Variants in GLRA1 observed in about 807,000 individuals in gnomAD.
GLRA1 encodes the protein glycine receptor alpha 1.
GLRA1 carries 37 observed loss-of-function variants against 48.3 expected under a neutral mutation model. That is an observed-to-expected ratio of 0.77 (90% CI 0.59 to 1.01). The LOEUF is 1.01. Among genes scored for constraint, GLRA1 ranks in the 50% least tolerant of loss-of-function variants. GLRA1 has a pLI of 0.00. For missense variants in GLRA1, 427 were observed against 571.0 expected (o/e 0.75, Z 2.57); for synonymous variants, 196 against 210.7 (o/e 0.93, Z 0.60).
intron 7 of GLRA1, among the ~76,000 whole-genome samples, chr5:151,849,381 C>CTTTCGTTTCCTTTCG (rs1561554954): frequency 2.1e-4 from 1 of 4,790 alleles, no homozygotes; most frequent in African/African-American, 1.1e-3. Flanking sequence ...CTTTCGTTTC[C>CTTTCGTTTCCTTTCG]TTTCCTTTCC....
At chr5:151,844,621 C>CAAAAAAAAA (rs202218874) in intron 7 of GLRA1, among the ~76,000 whole-genome samples, 1 of 49,738 alleles carries the variant, frequency 2.0e-5, no homozygotes, top group African/African-American at 7.2e-5. Context: ...TACTCTATCT[C>CAAAAAAAAA]AAAAAAAAAA....
Position 151,920,031 on chromosome 5 carries a change from G to A in GLRA1, c.56+4463C>T, listed in dbSNP as rs371531698. 1.5e-4 allele frequency among the ~76,000 whole-genome samples: 23 copies of A among 152,368 alleles called. No individual in the cohort carries two copies. The South Asian group carries it at 4.3e-3, about 29-fold the overall frequency. ...AAAAGGATTTTAATGTACCTTTAAA[G>A]GGAGCAGTGTCTCCCCTTTCTGCAA... On this transcript the variant is annotated intron_variant, in intron 1 of 8. Coordinates refer to ENST00000274576, the MANE Select transcript of GLRA1 (RefSeq NM_000171.4).
chr5:151,912,734 G>C (rs1307655869), intron 1 of GLRA1, among the ~76,000 whole-genome samples: 1 of 152,196 alleles, frequency 6.6e-6, no homozygotes, highest in Non-Finnish European at 1.5e-5. Context: ...AACACTGAGT[G>C]TTTGATATAC....
chr5:151,824,917 T>G (rs1437967859), intron 8 of GLRA1, among the ~76,000 whole-genome samples: 1 of 152,256 alleles, frequency 6.6e-6, no homozygotes, highest in Non-Finnish European at 1.5e-5. Flanking sequence ...AACAAATGTT[T>G]ACTTGTATAT....
rs76888330 is a variant in GLRA1 at position 151,894,558 on chromosome 5, C to A, written c.57-2120G>T. Among the ~76,000 whole-genome samples the A allele has an allele frequency of 8.1e-3, 1,234 of 152,248 alleles. 20 individuals carry two copies. Among genetic ancestry groups the A allele is most frequent in the African/African-American group, 0.028 (1,164 of 41,546 alleles). ...TTCTTGCTCCTCCACCCCACTACCC[C>A]CCATAAACTCACTCACCAGGTGCTG... On this transcript the variant is annotated intron_variant, in intron 1 of 8. Transcript: ENST00000274576.
intron 3 of GLRA1, among the ~76,000 whole-genome samples, chr5:151,882,123 G>T (rs1484795861): frequency 1.3e-5 from 2 of 152,202 alleles, no homozygotes; most frequent in African/African-American, 4.8e-5. Flanking sequence ...TCAAGCTGAA[G>T]TTCCCTTTTG....
At chr5:151,917,472 A>G (rs1426941221) in intron 1 of GLRA1, among the ~76,000 whole-genome samples, 1 of 152,250 alleles carries the variant, frequency 6.6e-6, no homozygotes, top group African/African-American at 2.4e-5. Flanking sequence ...TGATTGACAT[A>G]CAAAAGCTGT....
At chr5:151,895,687 G>A (rs1048928290) in intron 1 of GLRA1, among the ~76,000 whole-genome samples, 4 of 151,268 alleles carry the variant, frequency 2.6e-5, no homozygotes, top group Admixed American at 2.6e-4. Context: ...TGGGTCTGGG[G>A]CTGCTCCTTG....
Position 151,897,455 on chromosome 5 carries a change from G to GT in GLRA1, c.57-5018dup, listed in dbSNP as rs202217569. The stretch of plus-strand genomic sequence containing the variant: ...TATAACAGTATTTGGAAATGATGCA[G>GT]TTTTTTTTTTTCAGAGATTACTAAA... On this transcript the variant is annotated intron_variant, in intron 1 of 8. Transcript: ENST00000274576. Among the ~76,000 whole-genome samples the GT allele has an allele frequency of 2.9e-3, 420 of 146,888 alleles. 2 individuals carry two copies. Among genetic ancestry groups the GT allele is most frequent in the African/African-American group, 6.2e-3 (251 of 40,392 alleles).
intron 3 of GLRA1, among the ~76,000 whole-genome samples, chr5:151,870,582 T>G (rs1462701054): frequency 6.7e-6 from 1 of 149,926 alleles, no homozygotes; most frequent in Non-Finnish European, 1.5e-5. Context: ...CATCTTGTTT[T>G]GGGGACTGTT....
chr5:151,915,807 C>T (rs941502766), intron 1 of GLRA1, among the ~76,000 whole-genome samples: 5 of 151,816 alleles, frequency 3.3e-5, no homozygotes, highest in East Asian at 1.9e-4. Flanking sequence ...GGATCTCAGG[C>T]TTTGGTGTAG....
chr5:151,834,114 G>C lies in GLRA1; in HGVS notation c.913-5047C>G, dbSNP rs1020326491. Among the ~76,000 whole-genome samples, 3 of 152,056 alleles carry C rather than the reference G, an allele frequency of 2.0e-5. No homozygotes were observed. The East Asian group carries it at 5.8e-4, about 29-fold the overall frequency. On this transcript the variant is annotated intron_variant, in intron 7 of 8. Coordinates refer to ENST00000274576, the MANE Select transcript of GLRA1 (RefSeq NM_000171.4). ...TATTCAGGATGTGAACTCAGCTCTG[G>C]ACCAAGCGGACCTAATAGAAATTAC...
intron 7 of GLRA1, among the ~76,000 whole-genome samples, chr5:151,851,184 C>T (rs1561556054): frequency 6.6e-6 from 1 of 151,974 alleles, no homozygotes. Flanking sequence ...TCTGGCAACT[C>T]GTATTGAACA....
At chr5:151,865,473 A>G (rs1193183438) in intron 3 of GLRA1, among the ~76,000 whole-genome samples, 1 of 152,182 alleles carries the variant, frequency 6.6e-6, no homozygotes, top group Non-Finnish European at 1.5e-5. Flanking sequence ...AAGTGAATGA[A>G]TAGAGGAGTG....
intron 4 of GLRA1, among the ~76,000 whole-genome samples, chr5:151,857,159 G>A (rs1220157193): frequency 6.6e-6 from 1 of 152,212 alleles, no homozygotes; most frequent in Non-Finnish European, 1.5e-5. Flanking sequence ...GTGGCCATCT[G>A]GTCTCCCAGC....
In GLRA1 at chr5:151,906,014, G is replaced by GA. The variant is rs761533404; in HGVS notation, c.57-13577dup. Among the ~76,000 whole-genome samples the GA allele has an allele frequency of 1.4e-4, 21 of 152,050 alleles. 1 individual carries two copies. Among genetic ancestry groups the GA allele is most frequent in the Non-Finnish European group, 1.0e-4 (7 of 68,014 alleles). On this transcript the variant is annotated intron_variant, in intron 1 of 8. Transcript: ENST00000274576. ...TTTTGCAAGCATTCCCTAAATGCTC[G>GA]AAATGGGGGGTGGGATAACATGGTG...
In GLRA1 at chr5:151,911,707, G is replaced by A. The variant is rs183572317; in HGVS notation, c.56+12787C>T. 8.2e-3 allele frequency among the ~76,000 whole-genome samples: 1,178 copies of A among 144,266 alleles called. 18 individuals carry two copies. The highest frequency in any genetic ancestry group is 0.028 in the African/African-American group (1,073 of 38,906). 94.6% of individuals were successfully genotyped at this position (144,266 alleles called of 152,430 possible). On this transcript the variant is annotated intron_variant, in intron 1 of 8. Transcript: ENST00000274576. The stretch of plus-strand genomic sequence containing the variant: ...TGCAAGCTCCACCTCCCGGGTTCAC[G>A]CCATTCTCCTGCCTCAGCCTCCCGA...
intron 3 of GLRA1, among the ~76,000 whole-genome samples, chr5:151,881,541 G>T (rs1753763396): frequency 7.4e-6 from 1 of 135,352 alleles, no homozygotes; most frequent in Non-Finnish European, 1.5e-5. Context: ...TTCACCATTT[G>T]CCCAGGCTGG....
intron 3 of GLRA1, among the ~76,000 whole-genome samples, chr5:151,876,931 A>ATC (rs147067649): frequency 3.1e-4 from 46 of 149,566 alleles, no homozygotes; most frequent in Middle Eastern, 3.5e-3. Context: ...GAGGTGCCAG[A>ATC]TCTCTCTCTC....
Sources: allele counts gnomAD v4.1 joint callset (sites outside exome capture counted in the v4.1 genomes callset), GRCh38; gene constraint gnomAD v4.1.1; transcripts MANE v1.5; gene names NCBI Gene and HGNC (gene_info 2026-07-23, HGNC 2026-07-21).